The following KAZN variants were observed in gnomAD, a reference collection of about 807,000 sequenced individuals.
KAZN encodes the protein kazrin, periplakin interacting protein, also known as kazrin.
KAZN carries 40 observed loss-of-function variants against 87.4 expected under a neutral mutation model. That is an observed-to-expected ratio of 0.46 (90% confidence interval 0.36 to 0.60). The LOEUF is 0.60. Among genes scored for constraint, KAZN ranks in the 20% least tolerant of loss-of-function variants. The probability of loss-of-function intolerance (pLI) is 0.00; values close to 1 mark genes in which losing one functional copy is unlikely to be tolerated. For missense variants in KAZN, 898 were observed against 1,073.9 expected, an observed-to-expected ratio of 0.84 and a Z score of 2.29; for synonymous variants, 466 against 458.3, an observed-to-expected ratio of 1.02 and a Z score of -0.22.
rs575269038 is a variant in KAZN, at chr1:14,553,162, G to T, written c.250-45821G>T. Among the ~76,000 whole-genome samples, 25 of 152,282 alleles carry T rather than the reference G, an allele frequency of 1.6e-4. No individual in the cohort carries two copies. The East Asian group carries it at 4.4e-3, about 27-fold the overall frequency. On this transcript the variant is annotated intron_variant, in intron 2 of 16. Coordinates refer to the KAZN transcript ENST00000636203. Reference sequence around the variant, plus strand: ...AGCCGAGGCGGGCAGATCACTGGAAGCCAGGAATTCGAGACCAGCCTGGCC... The same window carrying T: ...AGCCGAGGCGGGCAGATCACTGGAATCCAGGAATTCGAGACCAGCCTGGCC...
chr1:14,114,126 G>T (rs868308503), intron 1 of KAZN, among the ~76,000 whole-genome samples: 1 of 152,246 alleles, frequency 6.6e-6, no homozygotes, highest in African/African-American at 2.4e-5. Flanking sequence ...CCCCAGGCCA[G>T]CCATGGCGGT....
At chr1:14,182,663 T>C (rs1281330727) in intron 2 of KAZN, among the ~76,000 whole-genome samples, 1 of 152,116 alleles carries the variant, frequency 6.6e-6, no homozygotes, top group Non-Finnish European at 1.5e-5. Flanking sequence ...GATTTTGAGT[T>C]TTGAAGTAGA....
chr1:14,853,545 C>T (rs1386464647), intron 1 of KAZN, among the ~76,000 whole-genome samples: 6 of 152,036 alleles, frequency 3.9e-5, no homozygotes, highest in African/African-American at 9.7e-5. Flanking sequence ...GATTTGAACC[C>T]CTTAGTCTGG....
In KAZN at chr1:14,190,182, A is replaced by G. The variant is rs1646394795; in HGVS notation, c.249+9590A>G. Among the ~76,000 whole-genome samples the G allele has an allele frequency of 2.6e-5, 4 of 152,146 alleles. No individual in the cohort carries two copies. In the South Asian group the frequency reaches 8.3e-4, roughly 32 times the overall value. On this transcript the variant is annotated intron_variant, in intron 2 of 16. Transcript: ENST00000636203. ...TGGTCATTACAACAGGTGCATGGTT[A>G]ATTTGTTCAACAAATACTTCCTGAG...
chr1:14,149,061 GCCTTCCTTCCTT>G (rs537235829), intron 1 of KAZN, among the ~76,000 whole-genome samples: 2 of 128,994 alleles, frequency 1.6e-5, no homozygotes, highest in East Asian at 2.1e-4. Context: ...CTGCCTTCCT[GCCTTCCTTCCTT>G]CCTTCCTTCC....
intron 1 of KAZN, among the ~76,000 whole-genome samples, chr1:14,640,121 C>T (rs946753072): frequency 4.3e-4 from 66 of 152,346 alleles, no homozygotes; most frequent in African/African-American, 1.6e-3. Context: ...AAAACCCCAT[C>T]TGCTGCTCAA....
intron 2 of KAZN, among the ~76,000 whole-genome samples, chr1:14,405,035 C>A (rs1205310916): frequency 1.3e-5 from 2 of 152,120 alleles, no homozygotes; most frequent in African/African-American, 4.8e-5. Flanking sequence ...TAAGAAACAT[C>A]TTGTCTTTGT....
chr1:14,430,635 G>A (rs529114546), intron 2 of KAZN, among the ~76,000 whole-genome samples: 1 of 152,182 alleles, frequency 6.6e-6, no homozygotes, highest in Non-Finnish European at 1.5e-5. Flanking sequence ...GCTTATAGCT[G>A]GGTTGAGAAG....
chr1:14,905,392 G>A (rs2101315079), intron 1 of KAZN, among the ~76,000 whole-genome samples: 1 of 152,276 alleles, frequency 6.6e-6, no homozygotes, highest in African/African-American at 2.4e-5. Context: ...AAAAACTCCT[G>A]CTGGCTTGTC....
chr1:14,512,941 G>A (rs796747245), intron 2 of KAZN, among the ~76,000 whole-genome samples: 10 of 152,232 alleles, frequency 6.6e-5, no homozygotes, highest in African/African-American at 2.2e-4. Flanking sequence ...TCTCGGGTCT[G>A]AAAAGCAGGC....
intron 8 of KAZN, among the ~76,000 whole-genome samples, chr1:15,068,874 A>G (rs537208219): frequency 1.1e-4 from 17 of 152,218 alleles, no homozygotes; most frequent in African/African-American, 3.6e-4. Flanking sequence ...TGCAGCATAA[A>G]GCTATGTAAT....
At chr1:15,038,193 G>A (rs1672529260) in intron 3 of KAZN, among the ~76,000 whole-genome samples, 1 of 152,110 alleles carries the variant, frequency 6.6e-6, no homozygotes, top group South Asian at 2.1e-4. Flanking sequence ...GGTTGAGGTG[G>A]CAGTGAGCCC....
At chr1:14,476,159 G>A (rs77662416) in intron 2 of KAZN, among the ~76,000 whole-genome samples, 1,879 of 152,142 alleles carry the variant, frequency 0.012, 17 homozygotes, top group Middle Eastern at 0.027. Context: ...TTCAGTGCTG[G>A]GACTCTCTAC....
intron 1 of KAZN, among the ~76,000 whole-genome samples, chr1:14,093,780 A>G (rs1644062372): frequency 6.6e-6 from 1 of 152,248 alleles, no homozygotes. Flanking sequence ...AAGTAAAGGG[A>G]AGGCCACCTG....
intron 1 of KAZN, among the ~76,000 whole-genome samples, chr1:13,952,918 A>G (rs1290306094): frequency 1.3e-5 from 2 of 152,188 alleles, no homozygotes; most frequent in Non-Finnish European, 2.9e-5. Context: ...TTTTCCTCCT[A>G]GTTATATGAT....
intron 1 of KAZN, among the ~76,000 whole-genome samples, chr1:14,859,459 A>C (rs1650578953): frequency 6.6e-6 from 1 of 152,286 alleles, no homozygotes; most frequent in African/African-American, 2.4e-5. Context: ...CTTAACCACT[A>C]TCTACATGAT....
chr1:14,262,472 T>C (rs1465564700), intron 2 of KAZN, among the ~76,000 whole-genome samples: 2 of 152,246 alleles, frequency 1.3e-5, no homozygotes, highest in Non-Finnish European at 2.9e-5. Context: ...TACATGTTGC[T>C]GGTCATGTTA....
chr1:14,201,468 C>G (rs987749471), intron 2 of KAZN, among the ~76,000 whole-genome samples: 4 of 152,174 alleles, frequency 2.6e-5, no homozygotes, highest in Admixed American at 6.5e-5. Context: ...GCTGGTGGAG[C>G]CTGGCGGCTG....
intron 2 of KAZN, among the ~76,000 whole-genome samples, chr1:14,450,125 C>CT (rs530932599): frequency 0.071 from 10,835 of 152,052 alleles, 604 homozygotes; most frequent in South Asian, 0.12. Context: ...GTGCTGCCCC[C>CT]CCGCCTGCAG....
Sources: allele counts gnomAD v4.1 joint callset (sites outside exome capture counted in the v4.1 genomes callset), GRCh38; gene constraint gnomAD v4.1.1; transcripts MANE v1.5; gene names NCBI Gene and HGNC (gene_info 2026-07-23, HGNC 2026-07-21).